Variants in TENM2 observed in about 807,000 individuals in gnomAD.
TENM2 encodes the protein teneurin-2.
In TENM2, 52 loss-of-function variants were observed where a neutral mutation model predicts 245.2. That is an observed-to-expected ratio of 0.21 (90% CI 0.17 to 0.27). The LOEUF (loss-of-function observed/expected upper bound fraction) is 0.27, where lower values mean the gene tolerates loss of function less well. Ranked by LOEUF, TENM2 falls within the 10% of genes least tolerant of loss-of-function variation. The probability of loss-of-function intolerance (pLI) is 1.00; values close to 1 mark genes in which losing one functional copy is unlikely to be tolerated. For synonymous variants in TENM2, 1,363 were observed against 1,438.9 expected (o/e 0.95, Z 1.19); for missense variants, 3,046 against 3,666.8 (o/e 0.83, Z 4.37).
At chr5:167,304,921 C>T (rs752460373) in intron 1 of TENM2, among the ~76,000 whole-genome samples, 18 of 152,170 alleles carry the variant, frequency 1.2e-4, no homozygotes, top group African/African-American at 4.1e-4. Context: ...GTGCCTCACT[C>T]ATCTTTCTAT....
At chr5:167,794,143 G>A (rs1765165775) in intron 2 of TENM2, among the ~76,000 whole-genome samples, 3 of 151,816 alleles carry the variant, frequency 2.0e-5, no homozygotes, top group Admixed American at 1.3e-4. Context: ...CAGTAGCTAT[G>A]TCGCCCACCA....
chr5:167,131,594 C>G, the TENM2 span, among the ~76,000 whole-genome samples: 1 of 152,106 alleles, frequency 6.6e-6, no homozygotes, highest in Admixed American at 6.5e-5. Flanking sequence ...CACTACAGAG[C>G]TAGCATCCAT....
At chr5:167,298,153 C>T (rs1755068218) in intron 1 of TENM2, among the ~76,000 whole-genome samples, 1 of 152,000 alleles carries the variant, frequency 6.6e-6, no homozygotes, top group Non-Finnish European at 1.5e-5. Context: ...CTCAGGGCTG[C>T]CTCGAGCGGG....
chr5:168,066,430 C>A (rs370688791), intron 7 of TENM2, among the ~76,000 whole-genome samples: 1 of 152,110 alleles, frequency 6.6e-6, no homozygotes, highest in Non-Finnish European at 1.5e-5. Flanking sequence ...GTCCTAGTGG[C>A]CTTTGTGTGC....
At chr5:167,002,605 G>A in the TENM2 span, among the ~76,000 whole-genome samples, 1 of 151,466 alleles carries the variant, frequency 6.6e-6, no homozygotes, top group African/African-American at 2.4e-5. Context: ...AAGAGTTCCA[G>A]ACCAGCCTGG....
At chr5:167,832,391 G>T (rs928727023) in intron 2 of TENM2, among the ~76,000 whole-genome samples, 1 of 152,238 alleles carries the variant, frequency 6.6e-6, no homozygotes, top group South Asian at 2.1e-4. Flanking sequence ...TGTAGACCAT[G>T]TGAAAGACCC....
the TENM2 span, among the ~76,000 whole-genome samples, chr5:166,983,761 T>C: frequency 6.6e-6 from 1 of 152,086 alleles, no homozygotes; most frequent in Non-Finnish European, 1.5e-5. Flanking sequence ...AGAGAGGGTT[T>C]CTTTGAAAGT....
intron 3 of TENM2, among the ~76,000 whole-genome samples, chr5:167,950,861 C>G (rs1014007656): frequency 7.9e-5 from 12 of 152,146 alleles, no homozygotes; most frequent in African/African-American, 2.7e-4. Context: ...GTCACTGATG[C>G]ATAATGTAAA....
At chr5:167,710,478 GC>G (rs1184494681) in intron 2 of TENM2, among the ~76,000 whole-genome samples, 2 of 152,174 alleles carry the variant, frequency 1.3e-5, no homozygotes, top group African/African-American at 2.4e-5. Flanking sequence ...AAGTGCCTGA[GC>G]TGACTGTGAA....
the TENM2 span, among the ~76,000 whole-genome samples, chr5:166,994,845 G>A: frequency 3.9e-5 from 6 of 152,140 alleles, no homozygotes; most frequent in Admixed American, 1.3e-4. Context: ...CGAGGTCTAC[G>A]TGTCTTTCAC....
At chr5:168,191,504 T>C (rs1414465063) in intron 14 of TENM2, among the ~76,000 whole-genome samples, 1 of 152,114 alleles carries the variant, frequency 6.6e-6, no homozygotes, top group Non-Finnish European at 1.5e-5. Context: ...GCCCCATCTC[T>C]GTGGTCCTTC....
chr5:167,535,777 G>A (rs772208279), intron 2 of TENM2, among the ~76,000 whole-genome samples: 3 of 152,168 alleles, frequency 2.0e-5, no homozygotes, highest in Non-Finnish European at 4.4e-5. Context: ...TGAGAAATAA[G>A]TTTCTATTCT....
chr5:167,845,284 A>C (rs1769944386), intron 2 of TENM2, among the ~76,000 whole-genome samples: 3 of 82,746 alleles, frequency 3.6e-5, no homozygotes, highest in African/African-American at 8.8e-5. Context: ...CACACACAAC[A>C]CGGCCCCACT....
intron 10 of TENM2, among the ~76,000 whole-genome samples, chr5:168,123,285 C>T (rs764732888): frequency 5.3e-5 from 8 of 151,988 alleles, no homozygotes; most frequent in Non-Finnish European, 1.2e-4. Context: ...GGTGACAGAG[C>T]AAGACCCTGT....
chr5:167,474,845 C>A (rs1767264427), intron 2 of TENM2, among the ~76,000 whole-genome samples: 2 of 152,122 alleles, frequency 1.3e-5, no homozygotes, highest in Non-Finnish European at 2.9e-5. Flanking sequence ...GATTTATTGG[C>A]ATGCTTATTT....
At chr5:167,150,301 A>G in the TENM2 span, among the ~76,000 whole-genome samples, 3,670 of 152,156 alleles carry the variant, frequency 0.024, 143 homozygotes, top group African/African-American at 0.083. Flanking sequence ...GTGAAATTTA[A>G]TTTCTGCTTC....
chr5:167,010,951 C>T, the TENM2 span, among the ~76,000 whole-genome samples: 1 of 152,130 alleles, frequency 6.6e-6, no homozygotes, highest in African/African-American at 2.4e-5. Context: ...CCATATTTAA[C>T]TACATTTACT....
chr5:168,248,131 T>C (rs1766761359), exon 27 of TENM2: 1 of 1,613,976 alleles, frequency 6.2e-7, no homozygotes, highest in Non-Finnish European at 8.5e-7. Context: ...TGGGGAGATT[T>C]ATTATGACTC....
chr5:167,228,253 C>CTCCTGACCTCAAGTGATCTGCCCA, the TENM2 span, among the ~76,000 whole-genome samples: 5 of 151,916 alleles, frequency 3.3e-5, no homozygotes. Flanking sequence ...TGGTCTCGAA[C>CTCCTGACCTCAAGTGATCTGCCCA]TCCTGACCTC....
Sources: gnomAD v4.1 joint callset for allele counts (sites outside exome capture counted in the v4.1 genomes callset) on GRCh38, gnomAD v4.1.1 for gene constraint, MANE v1.5 for transcripts, NCBI Gene and HGNC (gene_info 2026-07-23, HGNC 2026-07-21) for gene names.